The following RAB9A variants were observed in gnomAD, a reference collection of about 807,000 sequenced individuals.
RAB9A encodes the protein ras-related protein Rab-9A.
A neutral mutation model predicts 10.3 loss-of-function variants in RAB9A; 1 was observed. The observed-to-expected ratio is 0.10, with a 90% confidence interval of 0.03 to 0.46. The LOEUF is 0.46. RAB9A is among the 20% of genes least tolerant of loss of function. RAB9A has a pLI of 0.96. For missense variants in RAB9A, 92 were observed against 150.3 expected (o/e 0.61, Z 2.03); for synonymous variants, 39 against 55.2 (o/e 0.71, Z 1.30).
chrX:13,699,035 G>A (rs1262855768), intron 1 of RAB9A, among the ~76,000 whole-genome samples: 1 of 111,071 alleles, frequency 9.0e-6, no homozygotes. Flanking sequence ...TTTTGGAGGG[G>A]TTACAGAGTA....
At chrX:13,704,959 A>G (rs1283001202) in intron 2 of RAB9A, among the ~76,000 whole-genome samples, 1 of 111,888 alleles carries the variant, frequency 8.9e-6, no homozygotes, top group Non-Finnish European at 1.9e-5. Flanking sequence ...CAGAATTACT[A>G]ATGTTTAACC....
chrX:13,703,866 G>A lies in RAB9A; in HGVS notation c.-63G>A, dbSNP rs2046185451. 8.9e-6 allele frequency: 1 copy of A among 112,106 alleles called. No individual in the cohort carries two copies. Among genetic ancestry groups the A allele is most frequent in the South Asian group, 3.6e-4 (1 of 2,747 alleles). 9.2% of individuals were successfully genotyped at this position (112,106 alleles called of 1,213,427 possible). On this transcript the variant is annotated 5_prime_UTR_variant, in exon 2 of 3. In the 5' UTR this introduces an upstream ATG that the reference lacks. Transcript: ENST00000464506. ...GGCACTGTGATGAAACACTTTTCCC[G>A]TGTCGTTTGAGTGCATCTTCTCAAC...
intron 1 of RAB9A, among the ~76,000 whole-genome samples, chrX:13,699,114 A>G (rs894492441): frequency 1.7e-4 from 19 of 111,811 alleles, no homozygotes; most frequent in Admixed American, 9.5e-5. Flanking sequence ...TTGGCAGCTT[A>G]TTAAGGAATG....
rs1223780124 is a variant in RAB9A, at chrX:13,710,439, G to GA, written c.*1092dup. 1.6e-5 allele frequency: 2 copies of GA among 123,504 alleles called. No homozygotes were observed. 10.2% of individuals were successfully genotyped at this position (123,504 alleles called of 1,213,427 possible). A position where few individuals can be genotyped will look rare whatever the true frequency, so the allele number is the denominator to read the frequency against. ...TTGCTCTCAAGGAGATTTTTTGTTA[G>GA]AAAAAGACTTGTTGCAGTGATCAGA... On this transcript the variant is annotated 3_prime_UTR_variant, in exon 3 of 3. Coordinates refer to ENST00000464506, the MANE Select transcript of RAB9A (RefSeq NM_004251.5).
chrX:13,692,283 C>T (rs2046129125), intron 1 of RAB9A, among the ~76,000 whole-genome samples: 1 of 111,835 alleles, frequency 8.9e-6, no homozygotes, highest in Non-Finnish European at 1.9e-5. Flanking sequence ...GCATTCCAGC[C>T]TGGGCGATAG....
At chrX:13,694,487 A>G (rs752899517) in intron 1 of RAB9A, among the ~76,000 whole-genome samples, 4 of 112,189 alleles carry the variant, frequency 3.6e-5, no homozygotes, top group Non-Finnish European at 7.5e-5. Flanking sequence ...ATTTGTGCCC[A>G]GTACTTGATT....
intron 1 of RAB9A, among the ~76,000 whole-genome samples, chrX:13,701,178 A>C (rs187328784): frequency 0.025 from 2,696 of 106,978 alleles, 94 homozygotes; most frequent in African/African-American, 0.08. Context: ...TTACCCCCCC[A>C]AAAAAACCCC....
intron 2 of RAB9A, 96 bp from the exon 3 acceptor site, chrX:13,708,625 C>T (rs1360476808): frequency 7.5e-6 from 6 of 797,814 alleles, no homozygotes; most frequent in Non-Finnish European, 1.1e-5. Flanking sequence ...TCCCTGGGGC[C>T]ATATGTTTTA....
At chrX:13,694,985 A>T (rs866725680) in intron 1 of RAB9A, among the ~76,000 whole-genome samples, 3 of 110,842 alleles carry the variant, frequency 2.7e-5, no homozygotes, top group Non-Finnish European at 3.8e-5. Flanking sequence ...CTTTCTCTCC[A>T]TTTTCTGCTG....
chrX:13,707,939 G>A (rs1384657516), intron 2 of RAB9A, among the ~76,000 whole-genome samples: 4 of 111,675 alleles, frequency 3.6e-5, no homozygotes, highest in Non-Finnish European at 7.5e-5. Context: ...GAAGAGAGGT[G>A]GAGGGAGTAG....
At chrX:13,695,039 A>T (rs2046141419) in intron 1 of RAB9A, among the ~76,000 whole-genome samples, 2 of 111,477 alleles carry the variant, frequency 1.8e-5, no homozygotes, top group Non-Finnish European at 3.8e-5. Context: ...TAGCACAGGG[A>T]TGTGGGTCAT....
chrX:13,695,886 C>G (rs912117365), intron 1 of RAB9A, among the ~76,000 whole-genome samples: 1 of 111,066 alleles, frequency 9.0e-6, no homozygotes, highest in Admixed American at 9.6e-5. Context: ...TTGAAGAAAG[C>G]TAAGGGGCCA....
chrX:13,698,303 T>A (rs1161679355), intron 1 of RAB9A, among the ~76,000 whole-genome samples: 1 of 107,529 alleles, frequency 9.3e-6, no homozygotes, highest in East Asian at 2.9e-4. Context: ...TTAAGAAAAA[T>A]GTTAACATAT....
chrX:13,703,301 G>C (rs954828826), intron 1 of RAB9A, among the ~76,000 whole-genome samples: 11 of 111,860 alleles, frequency 9.8e-5, no homozygotes, highest in African/African-American at 3.6e-4. Flanking sequence ...GTGTGACCTT[G>C]AGCATGTATG....
At chrX:13,708,603 A>C (rs996759818) in intron 2 of RAB9A, 118 bp from the exon 3 acceptor site, 11 of 628,659 alleles carry the variant, frequency 1.7e-5, no homozygotes, top group Middle Eastern at 3.4e-4. Context: ...AACAAGTCTT[A>C]TTATTAGGTA....
At position 13,706,208 on chromosome X, in the gene RAB9A, T is replaced by C. The variant is rs766117092; in HGVS notation, c.-27+2306T>C. Among the ~76,000 whole-genome samples the C allele has an allele frequency of 2.7e-5, 3 of 112,298 alleles. No individual in the cohort carries two copies. In the South Asian group the frequency reaches 1.1e-3, roughly 41 times the overall value. ...AGCCAATTTAGCACATTGTTACCTA[T>C]GTCAGGAAAGTAAGGGGCTTGGGAC... On this transcript the variant is annotated intron_variant, in intron 2 of 2. Coordinates refer to ENST00000464506, the MANE Select transcript of RAB9A (RefSeq NM_004251.5).
intron 2 of RAB9A, among the ~76,000 whole-genome samples, chrX:13,707,074 A>G (rs1181535808): frequency 4.5e-5 from 5 of 112,278 alleles, no homozygotes; most frequent in Non-Finnish European, 5.6e-5. Context: ...GTGCTCTCCA[A>G]TTGGCTCATT....
At chrX:13,695,652 A>G (rs1287524272) in intron 1 of RAB9A, among the ~76,000 whole-genome samples, 1 of 112,366 alleles carries the variant, frequency 8.9e-6, no homozygotes, top group Admixed American at 9.4e-5. Context: ...GGAGAAAATA[A>G]TTAGCTCAGT....
intron 1 of RAB9A, among the ~76,000 whole-genome samples, chrX:13,699,150 T>A (rs1011962021): frequency 3.6e-5 from 4 of 111,517 alleles, no homozygotes; most frequent in Non-Finnish European, 7.5e-5. Flanking sequence ...ATTTGCCAGC[T>A]CCCTGTCGCA....
Sources: gnomAD v4.1 joint callset for allele counts (sites outside exome capture counted in the v4.1 genomes callset) on GRCh38, gnomAD v4.1.1 for gene constraint, MANE v1.5 for transcripts, NCBI Gene and HGNC (gene_info 2026-07-23, HGNC 2026-07-21) for gene names.